The following SYNPR variants were observed in gnomAD, a reference collection of about 807,000 sequenced individuals.
SYNPR encodes synaptoporin.
A neutral mutation model predicts 32.9 loss-of-function variants in SYNPR; 23 were observed. That is an observed-to-expected ratio of 0.70 (90% CI 0.50 to 0.99). SYNPR has a LOEUF of 0.99. SYNPR is among the 50% of genes least tolerant of loss of function. The pLI is 0.00. For missense variants in SYNPR, 318 were observed against 349.3 expected (o/e 0.91, Z 0.71); for synonymous variants, 146 against 135.9 (o/e 1.07, Z -0.52).
chr3:63,273,025 G>T (rs1405404260), intron 3 of SYNPR, among the ~76,000 whole-genome samples: 1 of 152,106 alleles, frequency 6.6e-6, no homozygotes, highest in Non-Finnish European at 1.5e-5. Context: ...CACAGCTAAT[G>T]ATGAAAGATA....
chr3:63,342,406 G>A (rs1441911062), intron 2 of SYNPR, among the ~76,000 whole-genome samples: 2 of 152,152 alleles, frequency 1.3e-5, no homozygotes, highest in African/African-American at 4.8e-5. Context: ...GTCCGTTGAT[G>A]TGATGGGTTA....
intron 2 of SYNPR, among the ~76,000 whole-genome samples, chr3:63,359,898 G>A (rs2087633685): frequency 6.6e-6 from 1 of 152,136 alleles, no homozygotes; most frequent in South Asian, 2.1e-4. Context: ...GAAGTTATGG[G>A]TAGCTTGCAG....
intron 3 of SYNPR, among the ~76,000 whole-genome samples, chr3:63,496,653 C>A (rs981795228): frequency 6.6e-6 from 1 of 152,156 alleles, no homozygotes; most frequent in Non-Finnish European, 1.5e-5. Context: ...TGGAATACTA[C>A]AAATGCATTT....
At chr3:63,605,350 T>A (rs1273022117) in intron 4 of SYNPR, among the ~76,000 whole-genome samples, 1 of 152,120 alleles carries the variant, frequency 6.6e-6, no homozygotes, top group African/African-American at 2.4e-5. Flanking sequence ...AAGACAGGAA[T>A]TTGCCCTTCT....
At chr3:63,513,650 G>C (rs1701738527) in intron 3 of SYNPR, among the ~76,000 whole-genome samples, 1 of 152,086 alleles carries the variant, frequency 6.6e-6, no homozygotes, top group South Asian at 2.1e-4. Context: ...GGAGAATAGA[G>C]CCAAAACTGG....
chr3:63,531,986 T>C (rs920296494), intron 3 of SYNPR, among the ~76,000 whole-genome samples: 4 of 152,222 alleles, frequency 2.6e-5, no homozygotes, highest in African/African-American at 9.6e-5. Context: ...TGCTCCCTAA[T>C]GCATTCATTC....
chr3:63,408,258 AAAGAAAGAAAGAAAGAAAG>A (rs2088401848), intron 2 of SYNPR, among the ~76,000 whole-genome samples: 1 of 124,794 alleles, frequency 8.0e-6, no homozygotes, highest in Non-Finnish European at 1.6e-5. Context: ...AGAAAGAAAG[AAAGAAAGAAAGAAAGAAAG>A]AGGAAGGAAG....
chr3:63,294,102 T>C (rs2086770160), intron 2 of SYNPR, among the ~76,000 whole-genome samples: 1 of 152,226 alleles, frequency 6.6e-6, no homozygotes, highest in South Asian at 2.1e-4. Context: ...TATGTGATTA[T>C]GCTGTATGCC....
chr3:63,270,752 G>T (rs976992554), intron 3 of SYNPR, among the ~76,000 whole-genome samples: 2 of 152,148 alleles, frequency 1.3e-5, no homozygotes, highest in African/African-American at 4.8e-5. Flanking sequence ...GTTATAAGGA[G>T]CTTATCACAG....
rs116591760 is a variant in SYNPR at position 63,308,743 on chromosome 3, C to A, written c.84+30001C>A. Among the ~76,000 whole-genome samples, 1,267 of 151,928 alleles carry A rather than the reference C, an allele frequency of 8.3e-3. 24 individuals carry two copies. The highest frequency in any genetic ancestry group is 0.028 in the African/African-American group (1,146 of 41,478). ...TCTCCCTGGGTGCATTTAAGATTTT[C>A]TTCTTCATCATATGCTTTGAACAAT... On this transcript the variant is annotated intron_variant, in intron 2 of 5. Coordinates refer to ENST00000478300, the MANE Select transcript of SYNPR (RefSeq NM_001130003.2).
chr3:63,477,195 A>G (rs1700944246), intron 2 of SYNPR, among the ~76,000 whole-genome samples: 1 of 152,144 alleles, frequency 6.6e-6, no homozygotes, highest in Non-Finnish European at 1.5e-5. Context: ...GGCAACACCT[A>G]GAGAATCTCA....
the SYNPR span, among the ~76,000 whole-genome samples, chr3:63,201,937 A>G: frequency 6.6e-6 from 1 of 152,106 alleles, no homozygotes; most frequent in African/African-American, 2.4e-5. Flanking sequence ...TCACAAAAAG[A>G]GGTATGTACT....
At chr3:63,404,112 A>G (rs997300776) in intron 2 of SYNPR, among the ~76,000 whole-genome samples, 11 of 152,228 alleles carry the variant, frequency 7.2e-5, no homozygotes, top group African/African-American at 2.2e-4. Context: ...AGAAGGCAAC[A>G]GAGCATTCGT....
intron 1 of SYNPR, among the ~76,000 whole-genome samples, chr3:63,232,855 G>C (rs2086176315): frequency 6.6e-6 from 1 of 152,184 alleles, no homozygotes; most frequent in South Asian, 2.1e-4. Context: ...AGATGCGGAA[G>C]AGTTTTCCAA....
chr3:63,379,801 T>TA (rs1450877514), intron 2 of SYNPR, among the ~76,000 whole-genome samples: 13 of 152,144 alleles, frequency 8.5e-5, no homozygotes, highest in African/African-American at 2.9e-4. Context: ...ACTCGTCATT[T>TA]ACATTAGGTA....
intron 4 of SYNPR, among the ~76,000 whole-genome samples, chr3:63,569,601 A>G (rs1310645566): frequency 1.3e-5 from 2 of 152,278 alleles, no homozygotes; most frequent in Non-Finnish European, 2.9e-5. Flanking sequence ...TTAAGTACGC[A>G]GAAGTCAGGC....
chr3:63,437,576 AGAGT>A (rs1309768691), intron 2 of SYNPR, among the ~76,000 whole-genome samples: 1 of 144,600 alleles, frequency 6.9e-6, no homozygotes, highest in Non-Finnish European at 1.5e-5. Flanking sequence ...GAAAGAAAGA[AGAGT>A]GAGAGAGAGA....
At chr3:63,558,361 G>T (rs566607379) in intron 4 of SYNPR, among the ~76,000 whole-genome samples, 9 of 152,120 alleles carry the variant, frequency 5.9e-5, no homozygotes, top group African/African-American at 1.7e-4. Context: ...TTTTATTGAG[G>T]CAGAGTCTCA....
intron 3 of SYNPR, among the ~76,000 whole-genome samples, chr3:63,272,258 C>T (rs2086543717): frequency 6.6e-6 from 1 of 152,088 alleles, no homozygotes; most frequent in South Asian, 2.1e-4. Flanking sequence ...AAATTATTAC[C>T]TCCGTTTTAC....
Sources: allele counts gnomAD v4.1 joint callset (sites outside exome capture counted in the v4.1 genomes callset), GRCh38; gene constraint gnomAD v4.1.1; transcripts MANE v1.5; gene names NCBI Gene and HGNC (gene_info 2026-07-23, HGNC 2026-07-21).